The following SCNN1G variants were observed in gnomAD, a reference collection of about 807,000 sequenced individuals.
SCNN1G encodes the protein epithelial sodium channel subunit gamma.
SCNN1G carries 27 observed loss-of-function variants against 64.6 expected under a neutral mutation model. The ratio of observed to expected loss-of-function variants is 0.42; its 90% CI spans 0.31 to 0.58. SCNN1G has a LOEUF of 0.58. Among genes scored for constraint, SCNN1G ranks in the 20% least tolerant of loss-of-function variants. The pLI, the probability that SCNN1G is intolerant of heterozygous loss-of-function variation, is 0.18. For missense variants in SCNN1G, 743 were observed against 823.4 expected (o/e 0.90, Z 1.19); for synonymous variants, 330 against 314.2 (o/e 1.05, Z -0.53).
intron 5 of SCNN1G, 94 bp from the exon 6 acceptor site, chr16:23,197,170 G>T: frequency 2.9e-6 from 3 of 1,022,106 alleles, no homozygotes; most frequent in Non-Finnish European, 4.6e-6. Flanking sequence ...ACCTGGTCTT[G>T]GGTTTGAAGC....
intron 5 of SCNN1G, chr16:23,196,694 T>A (rs1959799677): frequency 1.3e-5 from 2 of 157,690 alleles, no homozygotes; most frequent in Non-Finnish European, 1.4e-5. Context: ...TTGCTGGAGG[T>A]CACAGCCGAT....
chr16:23,185,700 C>G (rs1959594308), intron 1 of SCNN1G, among the ~76,000 whole-genome samples: 1 of 152,168 alleles, frequency 6.6e-6, no homozygotes, highest in South Asian at 2.1e-4. Context: ...GGAACATGAT[C>G]TAAGGTGGCT....
At chr16:23,201,321 A>G (rs1959885769) in intron 6 of SCNN1G, among the ~76,000 whole-genome samples, 1 of 152,210 alleles carries the variant, frequency 6.6e-6, no homozygotes, top group African/African-American at 2.4e-5. Context: ...TAAAAGTATA[A>G]GAACTAAGGA....
intron 2 of SCNN1G, 43 bp downstream of exon 2, chr16:23,186,631 CCCCACAGAGGCCAAAGCCCCT>C (rs1417496079): frequency 6.4e-7 from 1 of 1,554,882 alleles, no homozygotes; most frequent in South Asian, 1.1e-5. Context: ...GAGCCAGGCC[CCCCACAGAGGCCAAAGCCCCT>C]CCCGAAAGTG....
chr16:23,201,199 C>G (rs1352262426), intron 6 of SCNN1G, among the ~76,000 whole-genome samples: 1 of 152,130 alleles, frequency 6.6e-6, no homozygotes, highest in Non-Finnish European at 1.5e-5. Flanking sequence ...CAGACATGTC[C>G]CACACACTTT....
intron 6 of SCNN1G, among the ~76,000 whole-genome samples, chr16:23,204,334 TAGAGAGAGAGAGAGAGAG>T (rs755322105): frequency 6.6e-5 from 1 of 15,172 alleles, no homozygotes; most frequent in African/African-American, 2.8e-4. Flanking sequence ...TATATATATA[TAGAGAGAGAGAGAGAGAG>T]AGAGAGAGAG....
At chr16:23,212,372 T>C (rs1460126116) in intron 8 of SCNN1G, among the ~76,000 whole-genome samples, 6 of 152,176 alleles carry the variant, frequency 3.9e-5, no homozygotes, top group African/African-American at 1.2e-4. Context: ...ACGGTGGATA[T>C]TACCTTTTCA....
At chr16:23,200,837 T>C (rs1959876627) in intron 6 of SCNN1G, among the ~76,000 whole-genome samples, 1 of 152,288 alleles carries the variant, frequency 6.6e-6, no homozygotes, top group Admixed American at 6.5e-5. Flanking sequence ...AGCGAGATGA[T>C]GAACCGGAAT....
intron 2 of SCNN1G, among the ~76,000 whole-genome samples, chr16:23,187,160 G>A: frequency 6.7e-6 from 1 of 148,178 alleles, no homozygotes; most frequent in Non-Finnish European, 1.5e-5. Context: ...CCAAGCTGGA[G>A]TGCAGTGGTG....
chr16:23,204,330 T>TAGAGAG (rs1475386474), intron 6 of SCNN1G, among the ~76,000 whole-genome samples: 6 of 34,478 alleles, frequency 1.7e-4, no homozygotes, highest in South Asian at 1.7e-3. Flanking sequence ...TATATATATA[T>TAGAGAG]ATATAGAGAG....
intron 3 of SCNN1G, among the ~76,000 whole-genome samples, chr16:23,190,566 A>T (rs1959690743): frequency 6.6e-6 from 1 of 152,190 alleles, no homozygotes; most frequent in South Asian, 2.1e-4. Flanking sequence ...TTAAGAGTCA[A>T]ATTCCATCTT....
chr16:23,210,277 G>T (rs1329730853), intron 7 of SCNN1G, among the ~76,000 whole-genome samples: 1 of 152,152 alleles, frequency 6.6e-6, no homozygotes, highest in African/African-American at 2.4e-5. Context: ...CTGCTAATTT[G>T]CAGCTCCCAG....
chr16:23,185,006 T>C (rs936428132), intron 1 of SCNN1G, among the ~76,000 whole-genome samples: 6 of 152,176 alleles, frequency 3.9e-5, no homozygotes, highest in African/African-American at 1.4e-4. Flanking sequence ...AATAGCTGTG[T>C]TCCTTCTCTT....
At chr16:23,190,277 G>A (rs1376318795) in intron 3 of SCNN1G, among the ~76,000 whole-genome samples, 1 of 150,778 alleles carries the variant, frequency 6.6e-6, no homozygotes, top group Non-Finnish European at 1.5e-5. Context: ...AAGAAAGAGA[G>A]AAAGAAAGAA....
chr16:23,212,210 G>A, intron 8 of SCNN1G, 59 bp downstream of exon 8: 1 of 1,118,350 alleles, frequency 8.9e-7, no homozygotes, highest in East Asian at 2.3e-5. Context: ...CCTAGTCCTG[G>A]CAATAGGCAC....
At chr16:23,190,830 G>GGTT (rs1196971618) in intron 3 of SCNN1G, among the ~76,000 whole-genome samples, 1 of 114,590 alleles carries the variant, frequency 8.7e-6, no homozygotes, top group Non-Finnish European at 1.8e-5. Flanking sequence ...CATTTGAGGG[G>GGTT]ATTTTTTTTT....
Position 23,215,178 on chromosome 16 carries a change from CT to C in SCNN1G, c.1661del (p.Phe554SerfsTer45). 1 of 1,614,180 alleles carries C rather than the reference CT, an allele frequency of 6.2e-7. No homozygotes were observed. The highest frequency in any genetic ancestry group is 8.5e-7 in the Non-Finnish European group (1 of 1,180,030). ...GCGTCATCGAGATCATCGAGGTCTT[CT>C]TCATTGACTTCTTCTCTATCATTGC... Reference protein sequence around the residue: ...VCVIEIIEVFFIDFFSIIARR... With the variant: ...VCVIEIIEVFXIDFFSIIARR... On this transcript the variant is annotated frameshift_variant, in exon 13 of 13. Transcript: ENST00000300061. LOFTEE classifies it high-confidence loss of function.
intron 7 of SCNN1G, 23 bp from the exon 8 acceptor site, chr16:23,212,011 C>T: frequency 1.3e-6 from 2 of 1,499,062 alleles, no homozygotes; most frequent in South Asian, 2.3e-5. Context: ...ACATGAATGG[C>T]ATTCCTGGGT....
At chr16:23,195,419 A>G (rs976906866) in intron 5 of SCNN1G, among the ~76,000 whole-genome samples, 1 of 152,204 alleles carries the variant, frequency 6.6e-6, no homozygotes, top group Non-Finnish European at 1.5e-5. Flanking sequence ...CTTATGCCCA[A>G]AAGGAATTCT....
Sources: allele counts gnomAD v4.1 joint callset (sites outside exome capture counted in the v4.1 genomes callset), GRCh38; gene constraint gnomAD v4.1.1; transcripts MANE v1.5; gene names NCBI Gene and HGNC (gene_info 2026-07-23, HGNC 2026-07-21).